SHB: variants seen among roughly 807,000 people sequenced by gnomAD.
The protein encoded by SHB is SH2 domain containing adaptor protein B, also known as SH2 domain-containing adapter protein B.
A neutral mutation model predicts 52.3 loss-of-function variants in SHB; 20 were observed. That is an observed-to-expected ratio of 0.38 (90% confidence interval 0.27 to 0.56). The LOEUF (loss-of-function observed/expected upper bound fraction) is 0.56, where lower values mean the gene tolerates loss of function less well. Ranked by LOEUF, SHB falls within the 20% of genes least tolerant of loss-of-function variation. The pLI, the probability that SHB is intolerant of heterozygous loss-of-function variation, is 0.71. For synonymous variants in SHB, 397 were observed against 316.5 expected, an observed-to-expected ratio of 1.25 and a Z score of -2.70; for missense variants, 825 against 723.3, an observed-to-expected ratio of 1.14 and a Z score of -1.61.
At chr9:38,013,080 G>A (rs981696640) in intron 2 of SHB, among the ~76,000 whole-genome samples, 2 of 151,900 alleles carry the variant, frequency 1.3e-5, no homozygotes, top group African/African-American at 4.8e-5. Context: ...GAGTCAAAGG[G>A]AGCTTCAGCA....
chr9:37,987,053 C>G (rs548628035), intron 2 of SHB, among the ~76,000 whole-genome samples: 1 of 152,224 alleles, frequency 6.6e-6, no homozygotes, highest in African/African-American at 2.4e-5. Flanking sequence ...TACCCCTTAC[C>G]CTGTGGGGGC....
intron 1 of SHB, among the ~76,000 whole-genome samples, chr9:38,031,150 G>A (rs551481259): frequency 3.9e-5 from 6 of 152,098 alleles, no homozygotes; most frequent in East Asian, 1.9e-4. Context: ...GTGAAACCCC[G>A]TCTCTACTAA....
chr9:37,971,162 G>A (rs1820586340), intron 3 of SHB, among the ~76,000 whole-genome samples: 3 of 152,068 alleles, frequency 2.0e-5, no homozygotes, highest in Non-Finnish European at 4.4e-5. Context: ...CTTACTCACT[G>A]ACCACACCAA....
At chr9:37,970,253 TCCA>T in intron 3 of SHB, among the ~76,000 whole-genome samples, 1 of 152,200 alleles carries the variant, frequency 6.6e-6, no homozygotes, top group Non-Finnish European at 1.5e-5. Context: ...TTTGGACGGC[TCCA>T]AGTATTTCTC....
At position 37,997,175 on chromosome 9, in the gene SHB, G is replaced by A. The variant is rs1820956936; in HGVS notation, c.838+18836C>T. Among the ~76,000 whole-genome samples the A allele has an allele frequency of 2.0e-5, 3 of 152,318 alleles. No individual in the cohort carries two copies. In the South Asian group the frequency reaches 6.2e-4, roughly 32 times the overall value. ...ATCTTGGCAGCCACGTCTCCCCTCT[G>A]TAAGTTCTTGAAGCTGCAGCCATGC... On this transcript the variant is annotated intron_variant, in intron 2 of 5. Coordinates refer to ENST00000377707, the MANE Select transcript of SHB (RefSeq NM_003028.3).
intron 2 of SHB, among the ~76,000 whole-genome samples, chr9:38,012,006 G>A (rs1474327591): frequency 1.3e-5 from 2 of 152,098 alleles, no homozygotes; most frequent in Non-Finnish European, 2.9e-5. Flanking sequence ...ACCTCCTGCC[G>A]GTGACACAAA....
chr9:38,007,716 T>G (rs1246041872), intron 2 of SHB, among the ~76,000 whole-genome samples: 2 of 152,150 alleles, frequency 1.3e-5, no homozygotes, highest in African/African-American at 4.8e-5. Flanking sequence ...GAACAAAACC[T>G]ATATCTCTGC....
At chr9:38,001,429 TC>T (rs897679798) in intron 2 of SHB, among the ~76,000 whole-genome samples, 45 of 152,344 alleles carry the variant, frequency 3.0e-4, no homozygotes, top group African/African-American at 1.1e-3. Flanking sequence ...AACCCAGGGC[TC>T]TGTCCAGACA....
chr9:38,012,594 C>T lies in SHB; in HGVS notation c.838+3417G>A, dbSNP rs377045006. On this transcript the variant is annotated intron_variant, in intron 2 of 5. Coordinates refer to ENST00000377707, the MANE Select transcript of SHB (RefSeq NM_003028.3). ...ACAGCCAGTTAGCAGCCCAAAGCGGCTAGAAGCACTAATGACTGCCTGCTC... is the reference window on the plus strand; with the variant it reads ...ACAGCCAGTTAGCAGCCCAAAGCGGTTAGAAGCACTAATGACTGCCTGCTC... Among the ~76,000 whole-genome samples the T allele has an allele frequency of 2.6e-5, 4 of 151,914 alleles. No homozygotes were observed. In the East Asian group the frequency reaches 7.8e-4, roughly 30 times the overall value.
intron 3 of SHB, among the ~76,000 whole-genome samples, chr9:37,964,516 G>A (rs1164406129): frequency 1.3e-5 from 2 of 152,084 alleles, no homozygotes; most frequent in Non-Finnish European, 2.9e-5. Flanking sequence ...GAAATAACCC[G>A]AACGCAGAGG....
At chr9:38,040,052 T>TG (rs997883912) in intron 1 of SHB, among the ~76,000 whole-genome samples, 1 of 152,256 alleles carries the variant, frequency 6.6e-6, no homozygotes, top group Non-Finnish European at 1.5e-5. Context: ...AGGATAAGCC[T>TG]GGGGGTTTTT....
chr9:37,989,253 T>C (rs1254130733), intron 2 of SHB, among the ~76,000 whole-genome samples: 1 of 152,182 alleles, frequency 6.6e-6, no homozygotes, highest in Non-Finnish European at 1.5e-5. Context: ...ACTGGATCAA[T>C]TCAAAGTCAA....
intron 5 of SHB, among the ~76,000 whole-genome samples, chr9:37,924,664 AAC>A (rs1335368951): frequency 1.3e-5 from 2 of 152,186 alleles, no homozygotes; most frequent in Non-Finnish European, 2.9e-5. Context: ...CCATGGCCAA[AAC>A]AGATATAACA....
At chr9:37,927,823 G>A (rs1194680795) in intron 5 of SHB, among the ~76,000 whole-genome samples, 1 of 152,184 alleles carries the variant, frequency 6.6e-6, no homozygotes, top group Non-Finnish European at 1.5e-5. Context: ...TCAGCCAAGT[G>A]CACGTGGAAA....
At chr9:37,987,338 C>T (rs892338232) in intron 2 of SHB, among the ~76,000 whole-genome samples, 2 of 152,246 alleles carry the variant, frequency 1.3e-5, no homozygotes. Flanking sequence ...TGGTACCCCA[C>T]AGACACTGCC....
chr9:38,018,266 A>G lies in SHB; in HGVS notation c.718-2135T>C, dbSNP rs142447816. ...GCAAACACAGAGGTTTGCAGGATAT[A>G]AACCAAATCTTTGTTTGCCCTGGGA... is the stretch of plus-strand genomic sequence containing the variant. On this transcript the variant is annotated intron_variant, in intron 1 of 5. Transcript: ENST00000377707. 5.3e-5 allele frequency among the ~76,000 whole-genome samples: 8 copies of G among 152,318 alleles called. No individual in the cohort carries two copies. The East Asian group carries it at 1.5e-3, about 29-fold the overall frequency.
At chr9:38,045,514 G>A (rs949333040) in intron 1 of SHB, among the ~76,000 whole-genome samples, 7 of 151,956 alleles carry the variant, frequency 4.6e-5, no homozygotes, top group Non-Finnish European at 1.0e-4. Flanking sequence ...GGGAGGCTAA[G>A]GCAGGAGAAT....
chr9:38,044,473 GA>G (rs1821621740), intron 1 of SHB, among the ~76,000 whole-genome samples: 1 of 152,246 alleles, frequency 6.6e-6, no homozygotes, highest in Non-Finnish European at 1.5e-5. Context: ...CATGGGTCCT[GA>G]ATCCTTTGCA....
chr9:37,945,218 G>A (rs966447391), intron 5 of SHB, among the ~76,000 whole-genome samples: 2 of 152,222 alleles, frequency 1.3e-5, no homozygotes, highest in Non-Finnish European at 2.9e-5. Flanking sequence ...GCTCCTGACA[G>A]TGTCAAGAAT....
Sources: allele counts gnomAD v4.1 joint callset (sites outside exome capture counted in the v4.1 genomes callset), GRCh38; gene constraint gnomAD v4.1.1; transcripts MANE v1.5; gene names NCBI Gene and HGNC (gene_info 2026-07-23, HGNC 2026-07-21).